Variants in SHISA3 observed in about 807,000 individuals in gnomAD.
SHISA3 encodes protein shisa-3 homolog.
SHISA3 carries 15 observed loss-of-function variants against 19.2 expected under a neutral mutation model. The ratio of observed to expected loss-of-function variants is 0.78; its 90% CI spans 0.52 to 1.20. SHISA3 has a LOEUF of 1.20. Among genes scored for constraint, SHISA3 ranks in the 50% most tolerant of loss-of-function variants. The probability of loss-of-function intolerance (pLI) is 0.00; values close to 1 mark genes in which losing one functional copy is unlikely to be tolerated. For missense variants in SHISA3, 327 were observed against 315.7 expected (o/e 1.04, Z -0.27); for synonymous variants, 145 against 135.2 (o/e 1.07, Z -0.50).
rs755826430 is a variant in SHISA3 at position 42,398,091 on chromosome 4, G to A, written c.35G>A (p.Gly12Asp). 1 of 1,602,628 alleles carries A rather than the reference G, an allele frequency of 6.2e-7. No individual in the cohort carries two copies. The highest frequency in any genetic ancestry group is 8.5e-7 in the Non-Finnish European group (1 of 1,175,356). Reference sequence around the variant, plus strand: ...CTGCTGGCGCTTTGCCTTCTCCTTGGCTGGCTGCGCTGGGGCCCGGCGGGC... The same window carrying A: ...CTGCTGGCGCTTTGCCTTCTCCTTGACTGGCTGCGCTGGGGCCCGGCGGGC... Reference protein sequence around the residue: ...RALLALCLLLGWLRWGPAGAQ... With the variant: ...RALLALCLLLDWLRWGPAGAQ... The change falls in exon 1 of 2, where the codon GGC (glycine) becomes GAC (aspartate). Residue 12 changes from glycine to aspartate, a missense_variant. By Grantham distance (94) the Gly-to-Asp change is moderately conservative (BLOSUM62 -1). Coordinates refer to ENST00000319234, the MANE Select transcript of SHISA3 (RefSeq NM_001080505.3).
In SHISA3 at chr4:42,401,375, C is replaced by A. The variant is rs1711917769; in HGVS notation, c.641C>A (p.Pro214His). Residue 214 changes from proline to histidine, a missense_variant, in exon 2 of 2, where the codon CCC (proline) becomes CAC (histidine). Coordinates refer to ENST00000319234, the MANE Select transcript of SHISA3 (RefSeq NM_001080505.3). ...LAQPSGFLVS[P>H]QYFAYPLQQE... Reference sequence around the variant, plus strand: ...CAGCCATCTGGTTTCCTGGTGTCACCCCAGTATTTCGCTTACCCCCTCCAG... The same window carrying A: ...CAGCCATCTGGTTTCCTGGTGTCACACCAGTATTTCGCTTACCCCCTCCAG... 6.2e-7 allele frequency: 1 copy of A among 1,613,774 alleles called. No homozygotes were observed.
rs745965594 is a variant in SHISA3, at chr4:42,398,129, G to A, written c.73G>A (p.Gly25Arg). The stretch of plus-strand genomic sequence containing the variant: ...GGGCCCGGCGGGCGCCCAGCAGTCC[G>A]GAGAGTACTGCCACGGCTGGGTGGA... ...RWGPAGAQQS[G>R]EYCHGWVDVQ... is the part of the protein sequence containing the mutation. The change falls in exon 1 of 2, where the codon GGA becomes AGA. Residue 25 changes from glycine to arginine, a missense_variant. Gly to Arg is a moderately radical substitution (Grantham distance 125). Transcript: ENST00000319234. 1.2e-6 allele frequency: 2 copies of A among 1,603,770 alleles called. No homozygotes were observed. The highest frequency in any genetic ancestry group is 1.3e-5 in the African/African-American group (1 of 74,638).
intron 1 of SHISA3, 89 bp from the exon 2 acceptor site, chr4:42,400,923 C>T (rs545283109): frequency 7.4e-7 from 1 of 1,343,914 alleles, no homozygotes; most frequent in South Asian, 1.3e-5. Flanking sequence ...CTGAGTCTCC[C>T]ACCTCTCAAC....
chr4:42,397,908 A>T lies in SHISA3; in HGVS notation c.-149A>T. ...CCCTGTCGCCTCCCCGGCCCCTGCT[A>T]TCCCACGCAGGACTGGCTTCGGCCG... On this transcript the variant is annotated 5_prime_UTR_variant, in exon 1 of 2. Transcript: ENST00000319234. The T allele has an allele frequency of 1.5e-6, 1 of 674,146 alleles. No homozygotes were observed. The highest frequency in any genetic ancestry group is 2.4e-6 in the Non-Finnish European group (1 of 421,868). 41.8% of individuals were successfully genotyped at this position (674,146 alleles called of 1,614,324 possible).
chr4:42,398,184 A>G lies in SHISA3; in HGVS notation c.128A>G (p.Gln43Arg). The G allele has an allele frequency of 6.2e-7, 1 of 1,606,606 alleles. No homozygotes were observed. Among genetic ancestry groups the G allele is most frequent in the Non-Finnish European group, 8.5e-7 (1 of 1,176,852 alleles). The stretch of plus-strand genomic sequence containing the variant: ...CAGGGCAACTACCACGAGGGCTTCC[A>G]GTGCCCAGAGGACTTCGACACGCTG... ...DVQGNYHEGF[Q>R]CPEDFDTLDA... Residue 43 changes from glutamine (Q) to arginine (R), a missense_variant, in exon 1 of 2, where the codon CAG becomes CGG. Gln to Arg is a conservative substitution (Grantham distance 43). Transcript: ENST00000319234.
In SHISA3 at chr4:42,401,039, T is replaced by G. The variant is rs756255326; in HGVS notation, c.305T>G (p.Val102Gly). The part of the protein sequence containing the change: ...AQPVYVPFLI[V>G]GSIFIAFIIL... ...CCTGTCTACGTCCCCTTTCTCATCG[T>G]CGGCTCCATCTTCATTGCGTTCATC... The change falls in exon 2 of 2, where the codon GTC becomes GGC. Residue 102 changes from valine to glycine, a missense_variant. By Grantham distance (109) the Val-to-Gly change is moderately radical (BLOSUM62 -3). Coordinates refer to ENST00000319234, the MANE Select transcript of SHISA3 (RefSeq NM_001080505.3). 2 of 1,614,152 alleles carry G rather than the reference T, an allele frequency of 1.2e-6. No homozygotes were observed. The highest frequency in any genetic ancestry group is 1.7e-6 in the Non-Finnish European group (2 of 1,179,984).
Position 42,397,707 on chromosome 4 carries a change from T to G in SHISA3, c.-350T>G, listed in dbSNP as rs1577866351. The G allele has an allele frequency of 7.8e-6, 2 of 255,540 alleles. No homozygotes were observed. Among genetic ancestry groups the G allele is most frequent in the Non-Finnish European group, 7.4e-6 (1 of 135,970 alleles). 15.8% of individuals were successfully genotyped at this position (255,540 alleles called of 1,614,324 possible). A position where few individuals can be genotyped will look rare whatever the true frequency, so the allele number is the denominator to read the frequency against. On this transcript the variant is annotated 5_prime_UTR_variant, in exon 1 of 2. Transcript: ENST00000319234. The stretch of plus-strand genomic sequence containing the variant: ...CGGGCGCTATGGCTCCCTTGAGGAG[T>G]GGGGAGGGAGGTGGCCGGGGGGTTG...
intron 1 of SHISA3, 114 bp downstream of exon 1, chr4:42,398,447 C>A (rs1711813025): frequency 1.7e-6 from 2 of 1,172,740 alleles, no homozygotes; most frequent in South Asian, 1.6e-5. Context: ...TGGGTCTGTG[C>A]GCCAGGGGGA....
chr4:42,399,014 C>T (rs557525582), intron 1 of SHISA3, among the ~76,000 whole-genome samples: 1 of 152,320 alleles, frequency 6.6e-6, no homozygotes, highest in Non-Finnish European at 1.5e-5. Context: ...CCTATTCTCA[C>T]TTCGGAAAAC....
In SHISA3 at chr4:42,401,330, G is replaced by A. The variant is rs777308582; in HGVS notation, c.596G>A (p.Ser199Asn). The change falls in exon 2 of 2, where the codon AGC (serine) becomes AAC (asparagine). Residue 199 changes from serine (S) to asparagine (N), a missense_variant. Coordinates refer to ENST00000319234, the MANE Select transcript of SHISA3 (RefSeq NM_001080505.3). ...VPSPPPPYTT[S>N]HSIHLAQPSG... is the part of the protein sequence containing the mutation. ...TCACCGCCCCCGCCATACACCACCAGCCACTCAATCCACCTGGCTCAGCCA... is the reference window on the plus strand; with the variant it reads ...TCACCGCCCCCGCCATACACCACCAACCACTCAATCCACCTGGCTCAGCCA... 1.7e-5 allele frequency: 27 copies of A among 1,614,090 alleles called. No homozygotes were observed. The Admixed American group carries it at 4.5e-4, about 27-fold the overall frequency.
In SHISA3 at chr4:42,401,150, G is replaced by A. The variant is rs1357009225; in HGVS notation, c.416G>A (p.Arg139His). ...PSQQPIRFSL[R>H]SYQTETLPMI... is the part of the protein sequence containing the mutation. ...CAGCAGCCAATCCGCTTCTCACTCC[G>A]CAGCTATCAGACAGAGACCCTGCCC... Residue 139 changes from arginine to histidine, a missense_variant, in exon 2 of 2, where the codon CGC becomes CAC. By Grantham distance (29) the Arg-to-His change is conservative. Transcript: ENST00000319234. 3 of 1,614,178 alleles carry A rather than the reference G, an allele frequency of 1.9e-6. No individual in the cohort carries two copies. Among genetic ancestry groups the A allele is most frequent in the South Asian group, 2.2e-5 (2 of 91,076 alleles).
chr4:42,401,373 A>T lies in SHISA3; in HGVS notation c.639A>T (p.Ser213=). 6.2e-7 allele frequency: 1 copy of T among 1,613,864 alleles called. No individual in the cohort carries two copies. The highest frequency in any genetic ancestry group is 8.5e-7 in the Non-Finnish European group (1 of 1,179,932). ...HLAQPSGFLV[S]PQYFAYPLQQ... is the part of the protein sequence containing the mutation. ...CTCAGCCATCTGGTTTCCTGGTGTC[A>T]CCCCAGTATTTCGCTTACCCCCTCC... is the stretch of plus-strand genomic sequence containing the variant. The change falls in exon 2 of 2, where the codon TCA becomes TCT. Residue 213 remains serine, a synonymous_variant. Coordinates refer to ENST00000319234, the MANE Select transcript of SHISA3 (RefSeq NM_001080505.3).
At chr4:42,400,359 T>G (rs777232303) in intron 1 of SHISA3, among the ~76,000 whole-genome samples, 1 of 152,162 alleles carries the variant, frequency 6.6e-6, no homozygotes, top group African/African-American at 2.4e-5. Flanking sequence ...GGATGGGAAT[T>G]GAGAGGCACG....
rs759813601 is a variant in SHISA3 at position 42,401,159 on chromosome 4, A to G, written c.425A>G (p.Gln142Arg). ...ATCCGCTTCTCACTCCGCAGCTATC[A>G]GACAGAGACCCTGCCCATGATCCTG... is the stretch of plus-strand genomic sequence containing the variant. ...QPIRFSLRSY[Q>R]TETLPMILTS... The change falls in exon 2 of 2, where the codon CAG (glutamine) becomes CGG (arginine). Residue 142 changes from glutamine to arginine, a missense_variant. Gln to Arg is a conservative substitution (Grantham distance 43). Transcript: ENST00000319234. 2 of 1,614,192 alleles carry G rather than the reference A, an allele frequency of 1.2e-6. No homozygotes were observed. The highest frequency in any genetic ancestry group is 1.7e-5 in the Admixed American group (1 of 60,022).
rs1332104004 is a variant in SHISA3 at position 42,402,170 on chromosome 4, T to G, written c.*719T>G. ...GGAGGGAGTATTTATTGCAGACTTT[T>G]TGTTCAGCAACATTTAGTGTTTCAG... On this transcript the variant is annotated 3_prime_UTR_variant, in exon 2 of 2. Transcript: ENST00000319234. 1 of 152,242 alleles carries G rather than the reference T, an allele frequency of 6.6e-6. No homozygotes were observed. The highest frequency in any genetic ancestry group is 2.4e-5 in the African/African-American group (1 of 41,470). 9.4% of individuals were successfully genotyped at this position (152,242 alleles called of 1,614,324 possible).
intron 1 of SHISA3, among the ~76,000 whole-genome samples, chr4:42,400,282 G>C (rs1379038137): frequency 6.6e-6 from 1 of 152,210 alleles, no homozygotes; most frequent in Non-Finnish European, 1.5e-5. Flanking sequence ...TTTATAGAAA[G>C]TCTGGGCCGT....
intron 1 of SHISA3, among the ~76,000 whole-genome samples, chr4:42,398,732 C>CT (rs1560286871): frequency 6.6e-6 from 1 of 152,192 alleles, no homozygotes; most frequent in Non-Finnish European, 1.5e-5. Context: ...GCCCTTGTCA[C>CT]TTCGGGAGCT....
In SHISA3 at chr4:42,401,042, G is replaced by T; in HGVS notation, c.308G>T (p.Gly103Val). 1 of 1,614,098 alleles carries T rather than the reference G, an allele frequency of 6.2e-7. No homozygotes were observed. The highest frequency in any genetic ancestry group is 1.1e-5 in the South Asian group (1 of 91,084). The change falls in exon 2 of 2, where the codon GGC becomes GTC. Residue 103 changes from glycine to valine, a missense_variant. Coordinates refer to ENST00000319234, the MANE Select transcript of SHISA3 (RefSeq NM_001080505.3). ...QPVYVPFLIV[G>V]SIFIAFIILG... ...GTCTACGTCCCCTTTCTCATCGTCG[G>T]CTCCATCTTCATTGCGTTCATCATC...
In SHISA3 at chr4:42,401,168, C is replaced by A; in HGVS notation, c.434C>A (p.Thr145Asn). ...TCACTCCGCAGCTATCAGACAGAGA[C>A]CCTGCCCATGATCCTGACCTCCACC... is the stretch of plus-strand genomic sequence containing the variant. Reference protein sequence around the residue: ...RFSLRSYQTETLPMILTSTSP... With the variant: ...RFSLRSYQTENLPMILTSTSP... The change falls in exon 2 of 2, where the codon ACC (threonine) becomes AAC (asparagine). Residue 145 changes from threonine (T) to asparagine (N), a missense_variant. Transcript: ENST00000319234. 2 of 1,614,226 alleles carry A rather than the reference C, an allele frequency of 1.2e-6. No individual in the cohort carries two copies. The highest frequency in any genetic ancestry group is 1.3e-5 in the African/African-American group (1 of 75,048).
Sources: allele counts gnomAD v4.1 joint callset (sites outside exome capture counted in the v4.1 genomes callset), GRCh38; gene constraint gnomAD v4.1.1; transcripts MANE v1.5; gene names NCBI Gene and HGNC (gene_info 2026-07-23, HGNC 2026-07-21).